The following ME3 variants were observed in gnomAD, a reference collection of about 807,000 sequenced individuals.
The protein encoded by ME3 is malic enzyme 3.
A neutral mutation model predicts 68.9 loss-of-function variants in ME3; 48 were observed. That is an observed-to-expected ratio of 0.70 (90% confidence interval 0.55 to 0.89). ME3 has a LOEUF of 0.89. ME3 is among the 40% of genes least tolerant of loss of function. The probability of loss-of-function intolerance (pLI) is 0.00; values close to 1 mark genes in which losing one functional copy is unlikely to be tolerated. For missense variants in ME3, 675 were observed against 797.4 expected (o/e 0.85, Z 1.85); for synonymous variants, 320 against 318.8 (o/e 1.00, Z -0.04).
intron 5 of ME3, among the ~76,000 whole-genome samples, chr11:86,507,308 A>C (rs994888112): frequency 6.6e-6 from 1 of 152,158 alleles, no homozygotes; most frequent in Admixed American, 6.5e-5. Context: ...CAGTCTTTCT[A>C]ACTAGACTTT....
intron 2 of ME3, among the ~76,000 whole-genome samples, chr11:86,570,595 A>G (rs917235848): frequency 6.6e-6 from 1 of 152,166 alleles, no homozygotes; most frequent in East Asian, 1.9e-4. Context: ...CCTCCCAGAC[A>G]TATTTCTGTG....
intron 2 of ME3, among the ~76,000 whole-genome samples, chr11:86,573,827 G>A (rs1220627794): frequency 6.6e-6 from 1 of 152,170 alleles, no homozygotes; most frequent in Non-Finnish European, 1.5e-5. Context: ...TTTATTGAGA[G>A]CTTTTAACAT....
intron 2 of ME3, among the ~76,000 whole-genome samples, chr11:86,602,511 T>A (rs1012036683): frequency 2.0e-5 from 3 of 151,960 alleles, no homozygotes; most frequent in Non-Finnish European, 2.9e-5. Flanking sequence ...ATCAATATCG[T>A]GAAAATGGCC....
intron 4 of ME3, among the ~76,000 whole-genome samples, chr11:86,517,208 C>T (rs372160337): frequency 6.6e-6 from 1 of 152,064 alleles, no homozygotes; most frequent in South Asian, 2.1e-4. Context: ...CCTGCTTTGG[C>T]CAATAAAATG....
At chr11:86,505,715 CAG>C (rs1390703760) in intron 5 of ME3, among the ~76,000 whole-genome samples, 12 of 152,340 alleles carry the variant, frequency 7.9e-5, no homozygotes, top group African/African-American at 2.2e-4. Context: ...AAGCAAAGCT[CAG>C]AGAGGATATC....
At chr11:86,620,518 G>T (rs1460523458) in intron 2 of ME3, among the ~76,000 whole-genome samples, 1 of 152,178 alleles carries the variant, frequency 6.6e-6, no homozygotes, top group Non-Finnish European at 1.5e-5. Context: ...CTAAAAATAA[G>T]AGTGATATGC....
intron 2 of ME3, among the ~76,000 whole-genome samples, chr11:86,591,425 A>G (rs114475461): frequency 2.0e-3 from 301 of 152,334 alleles, no homozygotes; most frequent in African/African-American, 7.1e-3. Flanking sequence ...CAAATCCAAT[A>G]TGATGGGTGT....
intron 6 of ME3, among the ~76,000 whole-genome samples, chr11:86,491,544 G>A (rs367963826): frequency 6.6e-6 from 1 of 152,308 alleles, no homozygotes; most frequent in South Asian, 2.1e-4. Context: ...CTCTAAAACA[G>A]TAGTGGGCAG....
intron 2 of ME3, among the ~76,000 whole-genome samples, chr11:86,613,383 G>A (rs1942731950): frequency 1.3e-5 from 2 of 152,106 alleles, no homozygotes; most frequent in African/African-American, 4.8e-5. Context: ...GGCAAAAGTT[G>A]GAAGCATTCC....
At chr11:86,659,778 C>T (rs1442068354) in intron 2 of ME3, among the ~76,000 whole-genome samples, 9 of 152,184 alleles carry the variant, frequency 5.9e-5, no homozygotes, top group Admixed American at 5.9e-4. Context: ...TCCTGTCTCA[C>T]TATCAGAATC....
At chr11:86,489,409 G>C (rs980226387) in intron 6 of ME3, among the ~76,000 whole-genome samples, 2 of 152,192 alleles carry the variant, frequency 1.3e-5, no homozygotes, top group African/African-American at 4.8e-5. Flanking sequence ...TATAACATAT[G>C]CTATAAAACA....
chr11:86,649,954 C>T (rs1209747002), intron 2 of ME3, among the ~76,000 whole-genome samples: 1 of 152,144 alleles, frequency 6.6e-6, no homozygotes, highest in Non-Finnish European at 1.5e-5. Flanking sequence ...TTAGGAAAAA[C>T]TACTTTCAAT....
chr11:86,440,087 AGCCT>A (rs1948929208), downstream of ME3, among the ~76,000 whole-genome samples: 1 of 152,200 alleles, frequency 6.6e-6, no homozygotes, highest in Non-Finnish European at 1.5e-5. Flanking sequence ...TAGTCCATCT[AGCCT>A]GTCCTTGAGA....
At chr11:86,667,165 A>G (rs1335903631) in intron 2 of ME3, among the ~76,000 whole-genome samples, 1 of 152,212 alleles carries the variant, frequency 6.6e-6, no homozygotes, top group Non-Finnish European at 1.5e-5. Context: ...CCACTACGTG[A>G]AATGTCCTGG....
intron 2 of ME3, among the ~76,000 whole-genome samples, chr11:86,651,821 C>T (rs186782699): frequency 3.3e-5 from 5 of 152,232 alleles, no homozygotes; most frequent in Non-Finnish European, 2.9e-5. Flanking sequence ...AGTTCGAACC[C>T]ATGGCAAAGA....
chr11:86,497,264 C>T (rs148075100), intron 6 of ME3, among the ~76,000 whole-genome samples: 4,730 of 152,288 alleles, frequency 0.031, 98 homozygotes, highest in South Asian at 0.096. Context: ...GGAACACAGG[C>T]GTGAGTGACT....
At chr11:86,499,393 A>C (rs1952573083) in intron 5 of ME3, among the ~76,000 whole-genome samples, 1 of 152,120 alleles carries the variant, frequency 6.6e-6, no homozygotes, top group African/African-American at 2.4e-5. Flanking sequence ...TCTCTAAAAG[A>C]GTTAAGTTTA....
chr11:86,584,329 G>A (rs918732165), intron 2 of ME3, among the ~76,000 whole-genome samples: 10 of 152,196 alleles, frequency 6.6e-5, no homozygotes, highest in African/African-American at 2.4e-4. Flanking sequence ...GTATTGGTGA[G>A]GCTATGGAAA....
At chr11:86,538,798 A>T (rs1012242452) in intron 4 of ME3, among the ~76,000 whole-genome samples, 1 of 152,052 alleles carries the variant, frequency 6.6e-6, no homozygotes, top group African/African-American at 2.4e-5. Context: ...CCCTGACCCA[A>T]TCCAAACTCC....
Sources: gnomAD v4.1 joint callset for allele counts (sites outside exome capture counted in the v4.1 genomes callset) on GRCh38, gnomAD v4.1.1 for gene constraint, MANE v1.5 for transcripts, NCBI Gene and HGNC (gene_info 2026-07-23, HGNC 2026-07-21) for gene names.